Variants in ADCY3 observed in about 807,000 individuals in gnomAD.
ADCY3 encodes the protein adenylate cyclase 3, also known as adenylate cyclase type 3.
A neutral mutation model predicts 119.4 loss-of-function variants in ADCY3; 70 were observed. The ratio of observed to expected loss-of-function variants is 0.59; its 90% CI spans 0.48 to 0.72. The LOEUF is 0.72. Among genes scored for constraint, ADCY3 ranks in the 30% least tolerant of loss-of-function variants. The probability of loss-of-function intolerance (pLI) is 0.00; values close to 1 mark genes in which losing one functional copy is unlikely to be tolerated. For missense variants in ADCY3, 1,238 were observed against 1,541.6 expected (o/e 0.80, Z 3.30); for synonymous variants, 672 against 621.4 (o/e 1.08, Z -1.21).
intron 3 of ADCY3, among the ~76,000 whole-genome samples, chr2:24,855,382 C>T (rs1672874725): frequency 6.6e-6 from 1 of 152,170 alleles, no homozygotes. Context: ...ATGTGCTGCC[C>T]TGAGAGGTGG....
intron 2 of ADCY3, among the ~76,000 whole-genome samples, chr2:24,912,615 G>C (rs1051699309): frequency 7.4e-6 from 1 of 135,674 alleles, no homozygotes; most frequent in South Asian, 2.3e-4. Flanking sequence ...ATGTGTGTGT[G>C]TGTGTGTGTG....
At chr2:24,869,676 T>C (rs749774809) in intron 3 of ADCY3, among the ~76,000 whole-genome samples, 51 of 152,234 alleles carry the variant, frequency 3.4e-4, no homozygotes, top group Non-Finnish European at 5.9e-4. Flanking sequence ...AAAGTGCTGA[T>C]ATTACAGGCA....
intron 13 of ADCY3, among the ~76,000 whole-genome samples, chr2:24,830,281 C>T (rs534050647): frequency 2.6e-4 from 40 of 151,984 alleles, no homozygotes; most frequent in African/African-American, 8.7e-4. Context: ...CCTCGTGATC[C>T]GCCCACCTTG....
At chr2:24,831,770 T>C (rs1050289792) in intron 11 of ADCY3, 21 bp from the exon 12 acceptor site, 8 of 1,560,298 alleles carry the variant, frequency 5.1e-6, no homozygotes, top group African/African-American at 1.4e-5. Context: ...GAGAAGACAA[T>C]TGGGAGAGGC....
intron 2 of ADCY3, among the ~76,000 whole-genome samples, chr2:24,908,096 C>A (rs180956333): frequency 9.9e-5 from 15 of 152,138 alleles, no homozygotes; most frequent in Non-Finnish European, 2.2e-4. Context: ...CCAAGGTGGG[C>A]AGATCACCTG....
At position 24,909,961 on chromosome 2, in the gene ADCY3, C is replaced by T. The variant is rs76344159; in HGVS notation, c.675+8352G>A. On this transcript the variant is annotated intron_variant, in intron 2 of 21. Transcript: ENST00000679454. Reference sequence around the variant, plus strand: ...GATAGCTTCCACCTTCTCTCTGAGACCACCATGCTGTGAGGAAGCCCAAGT... The same window carrying T: ...GATAGCTTCCACCTTCTCTCTGAGATCACCATGCTGTGAGGAAGCCCAAGT... Among the ~76,000 whole-genome samples, 583 of 152,326 alleles carry T rather than the reference C, an allele frequency of 3.8e-3. 4 individuals carry two copies. The highest frequency in any genetic ancestry group is 0.013 in the African/African-American group (553 of 41,570).
chr2:24,827,494 T>C (rs1330053492), intron 15 of ADCY3, 52 bp downstream of exon 15: 11 of 1,547,676 alleles, frequency 7.1e-6, no homozygotes, highest in Non-Finnish European at 9.6e-6. Context: ...TATTCCTGTC[T>C]CTAGAAGAAG....
At chr2:24,857,434 T>C (rs1673135564) in intron 3 of ADCY3, among the ~76,000 whole-genome samples, 1 of 152,270 alleles carries the variant, frequency 6.6e-6, no homozygotes, top group South Asian at 2.1e-4. Context: ...TAATAGAACT[T>C]CCTGCAATCA....
Position 24,853,544 on chromosome 2 carries a change from A to C in ADCY3, c.826-11160T>G, listed in dbSNP as rs191119666. ...GAGTGCAATGGTGCGACCTCGGCTC[A>C]CTGCAAGCTCCGCCTCCCAGGTTCA... is the stretch of plus-strand genomic sequence containing the variant. On this transcript the variant is annotated intron_variant, in intron 3 of 21. Transcript: ENST00000679454. 5.1e-3 allele frequency among the ~76,000 whole-genome samples: 692 copies of C among 134,402 alleles called. 8 individuals are homozygous for C. Among genetic ancestry groups the C allele is most frequent in the African/African-American group, 0.019 (670 of 34,618 alleles). The allele number at this position is 134,402 out of a possible 152,430, so 88.2% of individuals were successfully genotyped here.
At chr2:24,853,772 C>T (rs948885527) in intron 3 of ADCY3, among the ~76,000 whole-genome samples, 17 of 152,300 alleles carry the variant, frequency 1.1e-4, no homozygotes, top group African/African-American at 4.1e-4. Context: ...AGGCATGAGC[C>T]ACCGTACCCG....
chr2:24,842,996 G>A lies in ADCY3; in HGVS notation c.826-612C>T, dbSNP rs185939406. 1.3e-5 allele frequency among the ~76,000 whole-genome samples: 2 copies of A among 152,308 alleles called. No individual in the cohort carries two copies. The highest frequency in any genetic ancestry group is 1.9e-4 in the East Asian group (1 of 5,180). On this transcript the variant is annotated intron_variant, in intron 3 of 21. Transcript: ENST00000679454. This position sits in a 1 kb window ranked among gnomAD's most constrained non-coding sequence, Gnocchi z 4.9. ...CAAGAGAGAAGCAGGGGCCAAGGTC[G>A]GCCGGGGAGGAGGCATCAAGGAGGC...
chr2:24,883,317 C>T (rs58649693), intron 2 of ADCY3, among the ~76,000 whole-genome samples: 14,681 of 151,840 alleles, frequency 0.097, 2,327 homozygotes, highest in African/African-American at 0.33. Context: ...CACTGCCCTC[C>T]AGCCTGGGCG....
rs1675127721 is a variant in ADCY3 at position 24,872,393 on chromosome 2, A to G, written c.825+177T>C. Among the ~76,000 whole-genome samples, 1 of 152,226 alleles carries G rather than the reference A, an allele frequency of 6.6e-6. No individual in the cohort carries two copies. The highest frequency in any genetic ancestry group is 1.5e-5 in the Non-Finnish European group (1 of 68,030). On this transcript the variant is annotated intron_variant, in intron 3 of 21. Coordinates refer to ENST00000679454, the MANE Select transcript of ADCY3 (RefSeq NM_004036.5). The surrounding 1 kb of genome is among the most constrained non-coding windows in gnomAD (Gnocchi z 4.4). ...AGTGAGAGGCTCCCTGAAGCTCAGAAGCTGCCCTCTAATAGTGAGGAGCCC... is the reference window on the plus strand; with the variant it reads ...AGTGAGAGGCTCCCTGAAGCTCAGAGGCTGCCCTCTAATAGTGAGGAGCCC...
intron 3 of ADCY3, among the ~76,000 whole-genome samples, chr2:24,871,869 C>T (rs1006806076): frequency 1.3e-5 from 2 of 152,124 alleles, no homozygotes; most frequent in South Asian, 4.1e-4. Flanking sequence ...GAGGATGGTG[C>T]GGCCATGGAA....
intron 2 of ADCY3, among the ~76,000 whole-genome samples, chr2:24,883,469 T>C (rs1198401455): frequency 6.6e-6 from 1 of 152,232 alleles, no homozygotes; most frequent in African/African-American, 2.4e-5. Flanking sequence ...CCACACTCAG[T>C]TGGAGTTTTC....
Position 24,827,978 on chromosome 2 carries a change from C to A in ADCY3, c.2356G>T (p.Ala786Ser). The change falls in exon 14 of 22, where the codon GCC becomes TCC. Residue 786 changes from alanine to serine, a missense_variant. Transcript: ENST00000679454. The stretch of plus-strand genomic sequence containing the variant: ...GCATAGAGGTTGATGGTGGCCACGG[C>A]GCCTGCGACGAGCAGCATGAGCGTG... ...KLTLMLLVAG[A>S]VATINLYAWR... is the part of the protein sequence containing the mutation. 1.2e-6 allele frequency: 2 copies of A among 1,614,218 alleles called. No individual in the cohort carries two copies. Among genetic ancestry groups the A allele is most frequent in the Non-Finnish European group, 1.7e-6 (2 of 1,180,046 alleles).
chr2:24,842,709 C>T lies in ADCY3; in HGVS notation c.826-325G>A, dbSNP rs13405505. ...AGCAGTCCTGCGTGGGCTGCTGCACCGTGAGCCCTCCCGGCAGGAGCCCTG... is the reference window on the plus strand; with the variant it reads ...AGCAGTCCTGCGTGGGCTGCTGCACTGTGAGCCCTCCCGGCAGGAGCCCTG... On this transcript the variant is annotated intron_variant, in intron 3 of 21. Coordinates refer to ENST00000679454, the MANE Select transcript of ADCY3 (RefSeq NM_004036.5). The surrounding 1 kb of genome is among the most constrained non-coding windows in gnomAD (Gnocchi z 4.9). 3,697 of 320,144 alleles carry T rather than the reference C, an allele frequency of 0.012. 48 individuals carry two copies. The highest frequency in any genetic ancestry group is 0.019 in the African/African-American group (920 of 47,374). 19.8% of individuals were successfully genotyped at this position (320,144 alleles called of 1,614,324 possible).
At chr2:24,835,632 A>G (rs1285218748) in intron 9 of ADCY3, among the ~76,000 whole-genome samples, 1 of 152,084 alleles carries the variant, frequency 6.6e-6, no homozygotes, top group African/African-American at 2.4e-5. Context: ...TGCATCTGGG[A>G]GCCACAGTCA....
chr2:24,836,995 G>A lies in ADCY3; in HGVS notation c.1584C>T (p.Leu528=). The A allele has an allele frequency of 1.2e-6, 2 of 1,614,116 alleles. No homozygotes were observed. The highest frequency in any genetic ancestry group is 1.7e-6 in the Non-Finnish European group (2 of 1,180,032). ...PASSKSSSPA[L]IETKEPNGSA... The stretch of plus-strand genomic sequence containing the variant: ...TCCCGTTGGGCTCCTTGGTCTCAAT[G>A]AGGGCAGGGGAGCTGGACTTTGAGG... Residue 528 remains leucine, a synonymous_variant, in exon 9 of 22, where the codon CTC becomes CTT. Coordinates refer to ENST00000679454, the MANE Select transcript of ADCY3 (RefSeq NM_004036.5).
Sources: gnomAD v4.1 joint callset for allele counts (sites outside exome capture counted in the v4.1 genomes callset) on GRCh38, gnomAD v4.1.1 for gene constraint, Gnocchi (gnomAD v3.1) non-coding constraint, MANE v1.5 for transcripts, NCBI Gene and HGNC (gene_info 2026-07-23, HGNC 2026-07-21) for gene names.